The following RGS7 variants were observed in gnomAD, a reference collection of about 807,000 sequenced individuals.
RGS7 encodes regulator of G protein signaling 7, also known as regulator of G-protein signaling 7.
In RGS7, 27 loss-of-function variants were observed where a neutral mutation model predicts 81.1. That is an observed-to-expected ratio of 0.33 (90% CI 0.25 to 0.46). RGS7 has a LOEUF of 0.46. RGS7 is among the 20% of genes least tolerant of loss of function. RGS7 has a pLI of 1.00. For synonymous variants in RGS7, 208 were observed against 207.7 expected, an observed-to-expected ratio of 1.00 and a Z score of -0.01; for missense variants, 396 against 607.4, an observed-to-expected ratio of 0.65 and a Z score of 3.66.
intron 2 of RGS7, among the ~76,000 whole-genome samples, chr1:241,184,742 C>T (rs113168219): frequency 2.0e-5 from 3 of 151,918 alleles, no homozygotes; most frequent in Non-Finnish European, 4.4e-5. Flanking sequence ...TCATTATGAA[C>T]GTGCAAACAT....
At chr1:241,002,783 T>G (rs1282489696) in intron 3 of RGS7, among the ~76,000 whole-genome samples, 1 of 152,208 alleles carries the variant, frequency 6.6e-6, no homozygotes, top group African/African-American at 2.4e-5. Flanking sequence ...GGCAGAAATG[T>G]AAACAGGATG....
chr1:240,908,617 C>T (rs1671240889), intron 6 of RGS7, among the ~76,000 whole-genome samples: 1 of 152,154 alleles, frequency 6.6e-6, no homozygotes, highest in African/African-American at 2.4e-5. Context: ...AAAAGCTCCA[C>T]CTAAGATAGA....
intron 3 of RGS7, among the ~76,000 whole-genome samples, chr1:241,021,035 CACG>C (rs1394597071): frequency 1.3e-5 from 2 of 152,194 alleles, no homozygotes; most frequent in African/African-American, 4.8e-5. Flanking sequence ...CAGAAAGACT[CACG>C]ACATTGGTAG....
At position 240,805,605 on chromosome 1, in the gene RGS7, T is replaced by G. The variant is rs114745142; in HGVS notation, c.1269+535A>C. Among the ~76,000 whole-genome samples the G allele has an allele frequency of 3.2e-3, 480 of 152,266 alleles. 2 individuals are homozygous for G. The highest frequency in any genetic ancestry group is 0.01 in the African/African-American group (423 of 41,550). ...TCTTTCTGTAGGCTAAAAAATTAAC[T>G]TGAAAATTTAAGAAATGTCAGAATC... On this transcript the variant is annotated intron_variant, in intron 15 of 18. Coordinates refer to ENST00000440928, the MANE Select transcript of RGS7 (RefSeq NM_001364886.1).
chr1:241,171,789 G>A (rs1442802546), intron 2 of RGS7, among the ~76,000 whole-genome samples: 1 of 152,178 alleles, frequency 6.6e-6, no homozygotes, highest in East Asian at 1.9e-4. Context: ...CACATAACCA[G>A]ATACTTTAAA....
intron 2 of RGS7, among the ~76,000 whole-genome samples, chr1:241,220,803 T>A (rs1190062564): frequency 3.3e-5 from 5 of 151,870 alleles, no homozygotes; most frequent in African/African-American, 1.2e-4. Context: ...GGGAGGCTGA[T>A]GCAGGAAGAC....
chr1:240,956,898 A>G (rs755980941), intron 4 of RGS7, among the ~76,000 whole-genome samples: 9 of 152,216 alleles, frequency 5.9e-5, no homozygotes, highest in Non-Finnish European at 8.8e-5. Flanking sequence ...GCATTTTACA[A>G]AATAACCAAG....
intron 2 of RGS7, among the ~76,000 whole-genome samples, chr1:241,221,400 G>A (rs548477234): frequency 6.6e-6 from 1 of 152,298 alleles, no homozygotes; most frequent in African/African-American, 2.4e-5. Context: ...TCCTGAGCAT[G>A]TGCCTGAACA....
At chr1:240,933,076 G>A (rs574058449) in intron 5 of RGS7, among the ~76,000 whole-genome samples, 33 of 149,394 alleles carry the variant, frequency 2.2e-4, no homozygotes, top group African/African-American at 6.4e-4. Context: ...TAGAGACGGG[G>A]TTTCACCGTG....
At chr1:241,207,131 G>A (rs926381273) in intron 2 of RGS7, among the ~76,000 whole-genome samples, 2 of 151,346 alleles carry the variant, frequency 1.3e-5, no homozygotes, top group South Asian at 2.1e-4. Context: ...ACCACGCCCG[G>A]CTAATTTTTG....
chr1:241,071,313 T>C (rs758269946), intron 3 of RGS7, among the ~76,000 whole-genome samples: 14 of 152,166 alleles, frequency 9.2e-5, no homozygotes, highest in Non-Finnish European at 1.9e-4. Context: ...AGTGATTTAG[T>C]AGACATTCTG....
chr1:240,790,276 GAAAT>G (rs1023990162), intron 18 of RGS7, among the ~76,000 whole-genome samples: 5 of 151,872 alleles, frequency 3.3e-5, no homozygotes, highest in African/African-American at 1.2e-4. Context: ...AAAAAGGAAA[GAAAT>G]AAAAAAATAA....
intron 15 of RGS7, 32 bp downstream of exon 15, chr1:240,806,108 C>T (rs564558923): frequency 6.9e-6 from 11 of 1,598,372 alleles, no homozygotes; most frequent in Middle Eastern, 1.9e-4. Flanking sequence ...CTCGGAAGCA[C>T]GTTTGTGGTG....
intron 10 of RGS7, among the ~76,000 whole-genome samples, chr1:240,821,522 A>G (rs1278014082): frequency 6.6e-6 from 1 of 152,118 alleles, no homozygotes; most frequent in Non-Finnish European, 1.5e-5. Context: ...CCTTTACTAT[A>G]CCCTTTACTT....
chr1:241,192,097 T>C (rs2072701457), intron 2 of RGS7, among the ~76,000 whole-genome samples: 4 of 151,852 alleles, frequency 2.6e-5, no homozygotes, highest in Non-Finnish European at 5.9e-5. Context: ...GAAAGGTTAT[T>C]ATCTAAAAGC....
chr1:240,813,834 T>C, intron 12 of RGS7, 106 bp from the exon 13 acceptor site: 1 of 744,820 alleles, frequency 1.3e-6, no homozygotes, highest in Non-Finnish European at 2.4e-6. Flanking sequence ...GAATCCTTGT[T>C]CACTTAAAGC....
At chr1:241,128,866 G>C (rs546844301) in intron 2 of RGS7, among the ~76,000 whole-genome samples, 3 of 148,928 alleles carry the variant, frequency 2.0e-5, no homozygotes, top group South Asian at 2.1e-4. Context: ...TTTTAGCTTT[G>C]GATTAATTTA....
intron 4 of RGS7, among the ~76,000 whole-genome samples, chr1:240,954,938 C>T (rs1680124600): frequency 2.6e-5 from 4 of 152,134 alleles, no homozygotes; most frequent in South Asian, 2.1e-4. Context: ...GTTAATTGCT[C>T]TCTTATTTAC....
chr1:241,098,782 T>C lies in RGS7; in HGVS notation c.79-20A>G, dbSNP rs1467404345. 1.3e-6 allele frequency: 2 copies of C among 1,553,884 alleles called. No homozygotes were observed. The highest frequency in any genetic ancestry group is 8.9e-7 in the Non-Finnish European group (1 of 1,128,372). On this transcript the variant is annotated intron_variant, in intron 2 of 18. Transcript: ENST00000440928. ...TTCCATCTAAACAATAATAACATAA[T>C]TAAAACCTTTATAAAGTTGAACTTT...
Sources: allele counts gnomAD v4.1 joint callset (sites outside exome capture counted in the v4.1 genomes callset), GRCh38; gene constraint gnomAD v4.1.1; transcripts MANE v1.5; gene names NCBI Gene and HGNC (gene_info 2026-07-23, HGNC 2026-07-21).